Variants in OPTN observed in about 807,000 individuals in gnomAD.
OPTN encodes the protein optineurin.
In OPTN, 54 loss-of-function variants were observed where a neutral mutation model predicts 70.4. That is an observed-to-expected ratio of 0.77 (90% CI 0.62 to 0.96). The LOEUF (loss-of-function observed/expected upper bound fraction) is 0.96. OPTN is among the 40% of genes least tolerant of loss of function. OPTN has a pLI of 0.00. For missense variants in OPTN, 624 were observed against 673.2 expected (o/e 0.93, Z 0.81); for synonymous variants, 256 against 248.5 (o/e 1.03, Z -0.28).
chr10:13,105,323 T>C (rs1207045179), intron 1 of OPTN, among the ~76,000 whole-genome samples: 3 of 152,156 alleles, frequency 2.0e-5, no homozygotes, highest in Admixed American at 2.0e-4. Context: ...GGGTGGGGTT[T>C]AGATTGTGGT....
At chr10:13,135,552 C>A (rs991018196) in intron 14 of OPTN, among the ~76,000 whole-genome samples, 1 of 151,854 alleles carries the variant, frequency 6.6e-6, no homozygotes, top group Non-Finnish European at 1.5e-5. Flanking sequence ...GCCTAACACT[C>A]GTGCCTAACA....
chr10:13,134,582 G>A (rs899486962), intron 14 of OPTN, among the ~76,000 whole-genome samples: 9 of 152,082 alleles, frequency 5.9e-5, no homozygotes, highest in Non-Finnish European at 1.0e-4. Flanking sequence ...ACAGGTGCAC[G>A]CCACCACGCC....
intron 1 of OPTN, among the ~76,000 whole-genome samples, chr10:13,102,314 C>T (rs1832769187): frequency 6.6e-6 from 1 of 152,124 alleles, no homozygotes. Context: ...TGAAAGGCCA[C>T]GTTTGTCTTG....
At chr10:13,111,441 T>C (rs1386569643) in intron 4 of OPTN, among the ~76,000 whole-genome samples, 1 of 152,190 alleles carries the variant, frequency 6.6e-6, no homozygotes, top group Non-Finnish European at 1.5e-5. Flanking sequence ...CTCACACCTG[T>C]AATCCCAGCG....
chr10:13,116,207 G>A lies in OPTN; in HGVS notation c.553-60G>A, dbSNP rs373222117. 4.6e-4 allele frequency: 532 copies of A among 1,152,750 alleles called. 1 individual carries two copies. The highest frequency in any genetic ancestry group is 6.5e-4 in the Non-Finnish European group (491 of 760,578). The allele number at this position is 1,152,750 out of a possible 1,614,324, so 71.4% of individuals were successfully genotyped here. On this transcript the variant is annotated intron_variant, in intron 5 of 14. Transcript: ENST00000378747. ...TCATCTTTTGTCTTTTTCTTCTTTTGACAAAGAATTTGTCTTGTAGACATA... is the reference window on the plus strand; with the variant it reads ...TCATCTTTTGTCTTTTTCTTCTTTTAACAAAGAATTTGTCTTGTAGACATA...
chr10:13,129,711 AC>A (rs1833552288), intron 12 of OPTN, among the ~76,000 whole-genome samples: 1 of 152,180 alleles, frequency 6.6e-6, no homozygotes, highest in Non-Finnish European at 1.5e-5. Context: ...GTCTTCTAAA[AC>A]TGCCTAACCA....
chr10:13,110,343 A>G lies in OPTN; in HGVS notation c.236A>G (p.Gln79Arg), dbSNP rs1452457006. 6.2e-7 allele frequency: 1 copy of G among 1,614,188 alleles called. No homozygotes were observed. Among genetic ancestry groups the G allele is most frequent in the Non-Finnish European group, 8.5e-7 (1 of 1,180,034 alleles). ...FEELSAWTEKQKEERQFFEIQ... is the reference protein window; with the variant it reads ...FEELSAWTEKRKEERQFFEIQ... Reference sequence around the variant, plus strand: ...GAGCTTTCGGCCTGGACAGAGAAACAGAAGGAAGAACGCCAGTTTTTTGAG... The same window carrying G: ...GAGCTTTCGGCCTGGACAGAGAAACGGAAGGAAGAACGCCAGTTTTTTGAG... The change falls in exon 4 of 15, where the codon CAG becomes CGG. Residue 79 changes from glutamine to arginine, a missense_variant. By Grantham distance (43) the Gln-to-Arg change is conservative (BLOSUM62 1). Transcript: ENST00000378747.
chr10:13,105,617 G>A (rs1832848715), intron 1 of OPTN, among the ~76,000 whole-genome samples: 1 of 152,098 alleles, frequency 6.6e-6, no homozygotes, highest in African/African-American at 2.4e-5. Flanking sequence ...GGCATAAAAG[G>A]TCATGGAGGG....
intron 5 of OPTN, among the ~76,000 whole-genome samples, chr10:13,115,514 A>T (rs1461983461): frequency 4.1e-5 from 4 of 97,980 alleles, no homozygotes; most frequent in East Asian, 5.8e-4. Context: ...GAATATATAT[A>T]ATATATTCTA....
chr10:13,117,104 G>A lies in OPTN; in HGVS notation c.626+764G>A, dbSNP rs1288113133. ...TCTTTTTTTTTTTTTTTTTTGAGAC[G>A]GAATCTTGTTCTGTTGCCCAGGCTG... On this transcript the variant is annotated intron_variant, in intron 6 of 14. Transcript: ENST00000378747. Among the ~76,000 whole-genome samples, 10 of 126,682 alleles carry A rather than the reference G, an allele frequency of 7.9e-5. No individual in the cohort carries two copies. In the South Asian group the frequency reaches 1.7e-3, roughly 22 times the overall value. 83.1% of individuals were successfully genotyped at this position (126,682 alleles called of 152,430 possible).
In OPTN at chr10:13,112,644, T is replaced by C; in HGVS notation, c.552+9T>C. On this transcript the variant is annotated intron_variant, in intron 5 of 14. Transcript: ENST00000378747. ...TTGAAATTAGGATGGCTGTGAGTTTTTGGTTTTATTTTTGTTTTGAGCAAA... is the reference window on the plus strand; with the variant it reads ...TTGAAATTAGGATGGCTGTGAGTTTCTGGTTTTATTTTTGTTTTGAGCAAA... 1.2e-6 allele frequency: 2 copies of C among 1,614,068 alleles called. No homozygotes were observed. Among genetic ancestry groups the C allele is most frequent in the Non-Finnish European group, 1.7e-6 (2 of 1,179,946 alleles).
At chr10:13,124,192 T>TAAAA in intron 9 of OPTN, 82 bp downstream of exon 9, 5 of 791,902 alleles carry the variant, frequency 6.3e-6, no homozygotes, top group African/African-American at 1.7e-5. Context: ...CATAGTTTTT[T>TAAAA]AACTATGTTA....
At position 13,114,803 on chromosome 10, in the gene OPTN, CATATATATAATTATATAA is replaced by C. The variant is rs1564358796; in HGVS notation, c.553-1463_553-1446del. On this transcript the variant is annotated intron_variant, in intron 5 of 14. Coordinates refer to ENST00000378747, the MANE Select transcript of OPTN (RefSeq NM_001008212.2). The stretch of plus-strand genomic sequence containing the variant: ...TTATATAATTATATAATTATATATA[CATATATATAATTATATAA>C]TTATATAATTATATAATTATATAAT... Among the ~76,000 whole-genome samples the C allele has an allele frequency of 2.4e-4, 4 of 16,802 alleles. 2 individuals carry two copies. 11.0% of individuals were successfully genotyped at this position (16,802 alleles called of 152,430 possible).
intron 7 of OPTN, among the ~76,000 whole-genome samples, chr10:13,121,965 G>T (rs1009230052): frequency 2.0e-5 from 3 of 152,086 alleles, no homozygotes; most frequent in Non-Finnish European, 4.4e-5. Flanking sequence ...TACTTTTTTT[G>T]TTGTCGTTTA....
intron 1 of OPTN, among the ~76,000 whole-genome samples, chr10:13,106,430 CT>C (rs2131474870): frequency 6.6e-6 from 1 of 152,330 alleles, no homozygotes; most frequent in East Asian, 1.9e-4. Flanking sequence ...TACCTGTTTT[CT>C]AAGTGAATTT....
At chr10:13,116,097 C>G (rs552262634) in intron 5 of OPTN, among the ~76,000 whole-genome samples, 170 bp from the exon 6 acceptor site, 22 of 152,214 alleles carry the variant, frequency 1.4e-4, no homozygotes, top group Admixed American at 7.2e-4. Flanking sequence ...GGGGAGGGTA[C>G]GTTTCCATTT....
intron 10 of OPTN, 21 bp downstream of exon 10, chr10:13,125,588 G>A (rs766478213): frequency 9.3e-6 from 15 of 1,613,772 alleles, no homozygotes; most frequent in Non-Finnish European, 1.1e-5. Context: ...TGAGTCAGAA[G>A]GGCAGCGACG....
rs765891109 is a variant in OPTN at position 13,110,249 on chromosome 10, C to G, written c.167-25C>G. On this transcript the variant is annotated intron_variant, in intron 3 of 14. Coordinates refer to ENST00000378747, the MANE Select transcript of OPTN (RefSeq NM_001008212.2). ...TCAAGTCCACTTTCCTGGTGTGTGA[C>G]TCCATCACTCTGAACCTCCTGCAGA... 6.2e-6 allele frequency: 10 copies of G among 1,612,016 alleles called. No individual in the cohort carries two copies. In the South Asian group the frequency reaches 1.1e-4, roughly 18 times the overall value.
chr10:13,115,550 ACATT>A (rs1197031019), intron 5 of OPTN, among the ~76,000 whole-genome samples: 272 of 123,704 alleles, frequency 2.2e-3, no homozygotes, highest in East Asian at 3.4e-3. Context: ...AATATATTAT[ACATT>A]ATATATTATA....
Sources: allele counts gnomAD v4.1 joint callset (sites outside exome capture counted in the v4.1 genomes callset), GRCh38; gene constraint gnomAD v4.1.1; transcripts MANE v1.5; gene names NCBI Gene and HGNC (gene_info 2026-07-23, HGNC 2026-07-21).